The following ADGRB1 variants were observed in gnomAD, a reference collection of about 807,000 sequenced individuals.
ADGRB1 encodes the protein adhesion G protein-coupled receptor B1.
Under a neutral mutation model 175.7 loss-of-function variants are expected in ADGRB1, and 36 were observed. That is an observed-to-expected ratio of 0.20 (90% CI 0.16 to 0.27). ADGRB1 has a LOEUF of 0.27. ADGRB1 is among the 10% of genes least tolerant of loss of function. ADGRB1 has a pLI of 1.00. For missense variants in ADGRB1, 1,731 were observed against 2,255.3 expected, an observed-to-expected ratio of 0.77 and a Z score of 4.71; for synonymous variants, 1,054 against 979.4, an observed-to-expected ratio of 1.08 and a Z score of -1.42.
chr8:142,485,542 A>G (rs1027318875), intron 13 of ADGRB1, among the ~76,000 whole-genome samples: 1 of 152,212 alleles, frequency 6.6e-6, no homozygotes, highest in Non-Finnish European at 1.5e-5. Flanking sequence ...GTTTTTTAAA[A>G]AATTAGCACC....
intron 17 of ADGRB1, among the ~76,000 whole-genome samples, chr8:142,509,223 C>T (rs547349397): frequency 2.0e-5 from 3 of 152,324 alleles, no homozygotes; most frequent in African/African-American, 7.2e-5. Flanking sequence ...GCACTGGTGA[C>T]CCATGCTTGC....
At chr8:142,488,063 T>C (rs1318907441) in intron 13 of ADGRB1, among the ~76,000 whole-genome samples, 1 of 151,342 alleles carries the variant, frequency 6.6e-6, no homozygotes, top group Non-Finnish European at 1.5e-5. Context: ...GACCACCTTC[T>C]GGGCCATGGA....
chr8:142,503,442 C>T (rs943370652), intron 17 of ADGRB1, among the ~76,000 whole-genome samples: 4 of 152,092 alleles, frequency 2.6e-5, no homozygotes, highest in Non-Finnish European at 4.4e-5. Context: ...GGCCCTTTGA[C>T]CTTGCCACTG....
In ADGRB1 at chr8:142,544,294, G is replaced by A; in HGVS notation, c.4632G>A (p.Val1544=). Residue 1544 remains valine, a synonymous_variant, in exon 31 of 31, where the codon GTG becomes GTA. Transcript: ENST00000517894. The part of the protein sequence containing the change: ...LRKAHGTPTW[V]KKELEPLQPS... Reference sequence around the variant, plus strand: ...AAGCCCACGGGACGCCCACGTGGGTGAAGAAGGAGCTGGAGCCGCTGCAGC... The same window carrying A: ...AAGCCCACGGGACGCCCACGTGGGTAAAGAAGGAGCTGGAGCCGCTGCAGC... 1 of 1,549,396 alleles carries A rather than the reference G, an allele frequency of 6.5e-7. No homozygotes were observed. The highest frequency in any genetic ancestry group is 8.7e-7 in the Non-Finnish European group (1 of 1,146,598).
intron 30 of ADGRB1, 128 bp from the exon 31 acceptor site, chr8:142,544,085 TCCTGTCC>T (rs370788347): frequency 2.0e-5 from 19 of 934,398 alleles, no homozygotes; most frequent in East Asian, 7.9e-5. Context: ...GAAAGCCTCA[TCCTGTCC>T]CCTGTCCCCT....
At chr8:142,515,689 G>A (rs533536150) in intron 18 of ADGRB1, among the ~76,000 whole-genome samples, 10 of 152,158 alleles carry the variant, frequency 6.6e-5, no homozygotes, top group Admixed American at 1.3e-4. Context: ...TCAGCTCTGC[G>A]CTGGTAAAGT....
At chr8:142,514,148 G>C (rs1181791840) in intron 18 of ADGRB1, among the ~76,000 whole-genome samples, 1 of 152,122 alleles carries the variant, frequency 6.6e-6, no homozygotes, top group Non-Finnish European at 1.5e-5. Context: ...ACTCTGGTCT[G>C]AGTGGGCAGA....
At chr8:142,471,858 C>T (rs1169429363) in intron 2 of ADGRB1, among the ~76,000 whole-genome samples, 1 of 152,232 alleles carries the variant, frequency 6.6e-6, no homozygotes, top group Non-Finnish European at 1.5e-5. Flanking sequence ...CCCCATCCAC[C>T]CTCCGGGGCC....
At chr8:142,534,493 C>T (rs921072406) in intron 25 of ADGRB1, among the ~76,000 whole-genome samples, 13 of 152,214 alleles carry the variant, frequency 8.5e-5, no homozygotes, top group Admixed American at 8.5e-4. Context: ...CGTGTCAGCG[C>T]AGGCCTCCCA....
chr8:142,470,889 C>T (rs899995818), intron 2 of ADGRB1, among the ~76,000 whole-genome samples: 3 of 152,182 alleles, frequency 2.0e-5, no homozygotes, highest in African/African-American at 7.2e-5. Flanking sequence ...CAGTCAGGCT[C>T]AGCCCCAACC....
intron 23 of ADGRB1, 124 bp from the exon 24 acceptor site, chr8:142,526,417 CG>C: frequency 1.2e-6 from 1 of 833,884 alleles, no homozygotes; most frequent in South Asian, 1.5e-5. Flanking sequence ...GATGGAGGCA[CG>C]GGAGGTGACC....
chr8:142,460,470 G>T (rs188170174), intron 1 of ADGRB1, among the ~76,000 whole-genome samples: 1 of 152,344 alleles, frequency 6.6e-6, no homozygotes, highest in African/African-American at 2.4e-5. Flanking sequence ...GCGGGGAGCA[G>T]CTCAGTCCGA....
At chr8:142,520,469 G>GTTA (rs1843757409) in intron 19 of ADGRB1, among the ~76,000 whole-genome samples, 2 of 6,776 alleles carry the variant, frequency 3.0e-4, no homozygotes, top group Admixed American at 4.1e-3. Flanking sequence ...TGGTGGTGGT[G>GTTA]GTGATGGTTG....
chr8:142,538,960 C>T (rs1845101131), intron 26 of ADGRB1, among the ~76,000 whole-genome samples: 2 of 152,192 alleles, frequency 1.3e-5, no homozygotes, highest in South Asian at 2.1e-4. Context: ...AGAGAGCACA[C>T]ATGTGTGCCT....
chr8:142,488,309 C>A (rs1841796302), intron 13 of ADGRB1, 55 bp from the exon 14 acceptor site: 1 of 1,603,530 alleles, frequency 6.2e-7, no homozygotes, highest in Non-Finnish European at 8.5e-7. Flanking sequence ...GAGGCCCCGC[C>A]ACATCTGTGA....
At position 142,476,615 on chromosome 8, in the gene ADGRB1, C is replaced by T; in HGVS notation, c.977C>T (p.Ser326Phe). The change falls in exon 4 of 31, where the codon TCC (serine) becomes TTC (phenylalanine). Residue 326 changes from serine (S) to phenylalanine (F), a missense_variant. Transcript: ENST00000517894. ...PAGRTSSRSQSLRSTDARRRE... is the reference protein window; with the variant it reads ...PAGRTSSRSQFLRSTDARRRE... ...GGGCGCACCAGCTCCCGGAGCCAGT[C>T]CCTGCGGTCCACAGATGCCCGGCGG... 6.5e-7 allele frequency: 1 copy of T among 1,548,900 alleles called. No homozygotes were observed. The highest frequency in any genetic ancestry group is 8.7e-7 in the Non-Finnish European group (1 of 1,146,460).
In ADGRB1 at chr8:142,493,295, G is replaced by A. The variant is rs568321772; in HGVS notation, c.2675+2480G>A. Among the ~76,000 whole-genome samples, 6 of 152,190 alleles carry A rather than the reference G, an allele frequency of 3.9e-5. No individual in the cohort carries two copies. Among genetic ancestry groups the A allele is most frequent in the Admixed American group, 3.3e-4 (5 of 15,294 alleles). On this transcript the variant is annotated intron_variant, in intron 17 of 30. Transcript: ENST00000517894. This position sits in a 1 kb window ranked among gnomAD's most constrained non-coding sequence, Gnocchi z 5.0. ...TGCTGCGTGGCCTTGGGCAGAGCCTGTGCCCTGGGAGCCTTGGCTTCCTGA... is the reference window on the plus strand; with the variant it reads ...TGCTGCGTGGCCTTGGGCAGAGCCTATGCCCTGGGAGCCTTGGCTTCCTGA...
At chr8:142,539,750 C>T (rs946464238) in intron 27 of ADGRB1, 3 of 461,322 alleles carry the variant, frequency 6.5e-6, no homozygotes, top group African/African-American at 3.9e-5. Context: ...GTCGTGGCCC[C>T]AGCGAGGAGC....
Position 142,496,962 on chromosome 8 carries a change from A to G in ADGRB1, c.2675+6147A>G, listed in dbSNP as rs181316452. Among the ~76,000 whole-genome samples, 4 of 152,286 alleles carry G rather than the reference A, an allele frequency of 2.6e-5. No homozygotes were observed. In the East Asian group the frequency reaches 7.7e-4, roughly 29 times the overall value. The stretch of plus-strand genomic sequence containing the variant: ...TCTCAGAACCCTTATTCTGCCAGAC[A>G]TGGTCCCCTCCTGGTAGGCGTGTGT... On this transcript the variant is annotated intron_variant, in intron 17 of 30. Transcript: ENST00000517894.
Sources: gnomAD v4.1 joint callset for allele counts (sites outside exome capture counted in the v4.1 genomes callset) on GRCh38, gnomAD v4.1.1 for gene constraint, Gnocchi (gnomAD v3.1) non-coding constraint, MANE v1.5 for transcripts, NCBI Gene and HGNC (gene_info 2026-07-23, HGNC 2026-07-21) for gene names.